The following GALNTL6 variants were observed in gnomAD, a reference collection of about 807,000 sequenced individuals.
The protein encoded by GALNTL6 is polypeptide N-acetylgalactosaminyltransferase-like 6.
A neutral mutation model predicts 73.7 loss-of-function variants in GALNTL6; 46 were observed. The observed-to-expected ratio is 0.62, with a 90% CI of 0.49 to 0.80. The LOEUF (loss-of-function observed/expected upper bound fraction) is 0.80. Among genes scored for constraint, GALNTL6 ranks in the 30% least tolerant of loss-of-function variants. GALNTL6 has a pLI of 0.00. For missense variants in GALNTL6, 604 were observed against 755.0 expected (o/e 0.80, Z 2.34); for synonymous variants, 259 against 263.7 (o/e 0.98, Z 0.17).
intron 2 of GALNTL6, among the ~76,000 whole-genome samples, chr4:172,176,337 C>CAA (rs562300659): frequency 0.079 from 2,473 of 31,296 alleles, 564 homozygotes; most frequent in African/African-American, 0.17. Flanking sequence ...GACTCCGTCT[C>CAA]AAAAAAAAAA....
At chr4:172,674,684 G>C (rs1447639566) in intron 5 of GALNTL6, among the ~76,000 whole-genome samples, 1 of 151,718 alleles carries the variant, frequency 6.6e-6, no homozygotes, top group African/African-American at 2.4e-5. Flanking sequence ...TCCTCTCTCT[G>C]TTCTAGTCTG....
At chr4:172,992,118 A>G (rs1751570753) in intron 10 of GALNTL6, among the ~76,000 whole-genome samples, 1 of 152,192 alleles carries the variant, frequency 6.6e-6, no homozygotes, top group South Asian at 2.1e-4. Context: ...TACAACTCCT[A>G]TTTTTAAGCA....
intron 2 of GALNTL6, among the ~76,000 whole-genome samples, chr4:172,022,681 T>C (rs1741442498): frequency 6.6e-6 from 1 of 151,980 alleles, no homozygotes; most frequent in Non-Finnish European, 1.5e-5. Context: ...CTGATTACTT[T>C]CTGTGTCCCT....
At chr4:172,297,305 T>C (rs1319107999) in intron 3 of GALNTL6, among the ~76,000 whole-genome samples, 3 of 152,190 alleles carry the variant, frequency 2.0e-5, no homozygotes, top group African/African-American at 7.2e-5. Context: ...TTCTGTAGGT[T>C]GCCTGTTCAC....
At chr4:172,761,676 T>TCTCTCC (rs1738110853) in intron 5 of GALNTL6, among the ~76,000 whole-genome samples, 1 of 151,098 alleles carries the variant, frequency 6.6e-6, no homozygotes, top group African/African-American at 2.4e-5. Flanking sequence ...TCTTTCTCTC[T>TCTCTCC]CTCTCTCTCT....
chr4:172,255,264 C>T (rs566469972), intron 3 of GALNTL6, among the ~76,000 whole-genome samples: 3 of 109,702 alleles, frequency 2.7e-5, no homozygotes, highest in South Asian at 2.6e-4. Flanking sequence ...CATTAGTTAC[C>T]GCAATGTGGT....
At chr4:171,945,530 C>T (rs544782852) in intron 2 of GALNTL6, among the ~76,000 whole-genome samples, 6 of 152,164 alleles carry the variant, frequency 3.9e-5, no homozygotes, top group African/African-American at 1.4e-4. Flanking sequence ...TCAATCTATT[C>T]GTTTTCATGC....
Position 172,684,683 on chromosome 4 carries a change from A to T in GALNTL6, c.554-124678A>T, listed in dbSNP as rs185993739. On this transcript the variant is annotated intron_variant, in intron 5 of 12. Transcript: ENST00000506823. Reference sequence around the variant, plus strand: ...GATGGAGTCAAGACTGAACATGGAAAAGAGATGAACCTTTGGTGGCTCACT... The same window carrying T: ...GATGGAGTCAAGACTGAACATGGAATAGAGATGAACCTTTGGTGGCTCACT... Among the ~76,000 whole-genome samples the T allele has an allele frequency of 6.6e-5, 10 of 152,296 alleles. No individual in the cohort carries two copies. In the East Asian group the frequency reaches 1.7e-3, roughly 26 times the overall value.
chr4:172,531,373 G>T (rs1579160117), intron 5 of GALNTL6, among the ~76,000 whole-genome samples: 1 of 152,318 alleles, frequency 6.6e-6, no homozygotes, highest in East Asian at 1.9e-4. Flanking sequence ...ACCATTGAGA[G>T]AAATGCCTAA....
intron 11 of GALNTL6, among the ~76,000 whole-genome samples, chr4:173,009,737 G>A (rs1422410131): frequency 6.6e-6 from 1 of 152,162 alleles, no homozygotes; most frequent in African/African-American, 2.4e-5. Context: ...ACTTTACATG[G>A]GCCTCCTGTT....
At chr4:171,858,127 A>G (rs906469684) in intron 2 of GALNTL6, among the ~76,000 whole-genome samples, 1 of 152,198 alleles carries the variant, frequency 6.6e-6, no homozygotes, top group African/African-American at 2.4e-5. Context: ...CATAGAAAGC[A>G]ATATAGAAAT....
chr4:172,175,752 T>C (rs1734969353), intron 2 of GALNTL6, among the ~76,000 whole-genome samples: 2 of 152,214 alleles, frequency 1.3e-5, no homozygotes. Flanking sequence ...TTCTACCTTT[T>C]ATATGTTTTC....
intron 8 of GALNTL6, among the ~76,000 whole-genome samples, chr4:172,912,100 A>C (rs1231382235): frequency 1.3e-4 from 20 of 152,188 alleles, no homozygotes. Context: ...TTTGCCCCCC[A>C]CACAAGAGGT....
intron 5 of GALNTL6, among the ~76,000 whole-genome samples, chr4:172,609,572 A>G (rs1738438223): frequency 6.8e-6 from 1 of 146,574 alleles, no homozygotes; most frequent in East Asian, 2.0e-4. Context: ...TTTTGCCTGG[A>G]TGTTCATCAA....
chr4:172,801,842 C>T (rs1202533662), intron 5 of GALNTL6, among the ~76,000 whole-genome samples: 1 of 152,174 alleles, frequency 6.6e-6, no homozygotes, highest in Non-Finnish European at 1.5e-5. Flanking sequence ...GTCTCTGCCA[C>T]CCCTGAGACA....
At chr4:171,821,194 C>A (rs1049908011) in intron 2 of GALNTL6, among the ~76,000 whole-genome samples, 2 of 152,036 alleles carry the variant, frequency 1.3e-5, no homozygotes, top group Non-Finnish European at 1.5e-5. Context: ...CGCCATGATA[C>A]CTGGATAACT....
intron 2 of GALNTL6, among the ~76,000 whole-genome samples, chr4:171,821,137 G>A (rs1410211408): frequency 6.6e-6 from 1 of 152,078 alleles, no homozygotes; most frequent in Non-Finnish European, 1.5e-5. Flanking sequence ...CTGGGCTCAA[G>A]CAGTCCTCCT....
intron 5 of GALNTL6, among the ~76,000 whole-genome samples, chr4:172,490,658 T>C (rs1424379914): frequency 1.3e-5 from 2 of 152,148 alleles, no homozygotes; most frequent in Non-Finnish European, 2.9e-5. Context: ...AATGAAATAT[T>C]CATTTACATT....
rs1742873081 is a variant in GALNTL6 at position 172,835,669 on chromosome 4, T to G, written c.923+21946T>G. ...GGTGTACCATCCGGAATAGTGAGAG[T>G]AGCAAGAAGCCGAATGCACTCCGAT... On this transcript the variant is annotated intron_variant, in intron 7 of 12. Transcript: ENST00000506823. 4.6e-5 allele frequency among the ~76,000 whole-genome samples: 7 copies of G among 152,044 alleles called. 1 individual carries two copies. The South Asian group carries it at 1.5e-3, about 32-fold the overall frequency.
Sources: gnomAD v4.1 joint callset for allele counts (sites outside exome capture counted in the v4.1 genomes callset) on GRCh38, gnomAD v4.1.1 for gene constraint, MANE v1.5 for transcripts, NCBI Gene and HGNC (gene_info 2026-07-23, HGNC 2026-07-21) for gene names.